The following SLC35E1 variants were observed in gnomAD, a reference collection of about 807,000 sequenced individuals.
The protein encoded by SLC35E1 is solute carrier family 35, member E1.
SLC35E1 carries 12 observed loss-of-function variants against 31.0 expected under a neutral mutation model. The ratio of observed to expected loss-of-function variants is 0.39; its 90% CI spans 0.25 to 0.63. SLC35E1 has a LOEUF of 0.63. Ranked by LOEUF, SLC35E1 falls within the 20% of genes least tolerant of loss-of-function variation. SLC35E1 has a pLI of 0.52. For synonymous variants in SLC35E1, 257 were observed against 264.1 expected (o/e 0.97, Z 0.26); for missense variants, 429 against 572.2 (o/e 0.75, Z 2.55).
At chr19:16,560,881 C>CAAAAAAAAAAAAAAAAAAAAAAACAA (rs1304202019) in intron 4 of SLC35E1, among the ~76,000 whole-genome samples, 1 of 68,058 alleles carries the variant, frequency 1.5e-5, no homozygotes, top group Non-Finnish European at 2.9e-5. Flanking sequence ...AAAAAAAAAC[C>CAAAAAAAAAAAAAAAAAAAAAAACAA]AAAAAAAAAA....
At chr19:16,569,937 C>T (rs2085949678) in intron 2 of SLC35E1, among the ~76,000 whole-genome samples, 1 of 152,140 alleles carries the variant, frequency 6.6e-6, no homozygotes, top group Non-Finnish European at 1.5e-5. Flanking sequence ...GGGCTGTGGA[C>T]CTGAATTCCA....
chr19:16,558,588 C>T (rs1289922305), intron 4 of SLC35E1, among the ~76,000 whole-genome samples: 3 of 151,824 alleles, frequency 2.0e-5, no homozygotes, highest in African/African-American at 2.4e-5. Context: ...CCACCTGGCT[C>T]GGCCTTCCAA....
Position 16,565,375 on chromosome 19 carries a change from T to A in SLC35E1, c.756+1157A>T, listed in dbSNP as rs2085926521. 1.3e-5 allele frequency: 4 copies of A among 314,578 alleles called. No homozygotes were observed. The Admixed American group carries it at 1.8e-4, about 14-fold the overall frequency. 19.5% of individuals were successfully genotyped at this position (314,578 alleles called of 1,614,324 possible). ...ACAGGCGTGCACCACCACGCCTGGC[T>A]AATTTTGTATTTTTAGTAGAGACAG... On this transcript the variant is annotated intron_variant, in intron 4 of 5. Coordinates refer to ENST00000595753, the MANE Select transcript of SLC35E1 (RefSeq NM_024881.5).
chr19:16,558,131 C>T (rs527693720), intron 4 of SLC35E1, among the ~76,000 whole-genome samples: 2 of 152,152 alleles, frequency 1.3e-5, no homozygotes, highest in South Asian at 4.1e-4. Flanking sequence ...GCAACCTCTG[C>T]CTCCCGGGTT....
rs957808773 is a variant in SLC35E1, at chr19:16,550,153, G to C, written c.*3526C>G. 1 of 152,178 alleles carries C rather than the reference G, an allele frequency of 6.6e-6. No homozygotes were observed. The highest frequency in any genetic ancestry group is 2.4e-5 in the African/African-American group (1 of 41,440). 9.4% of individuals were successfully genotyped at this position (152,178 alleles called of 1,614,324 possible). Reference sequence around the variant, plus strand: ...GCCCCTTTGTGGTAGGGGCTTGACTGTTCCTAGAATGAATGACTTAAAATA... The same window carrying C: ...GCCCCTTTGTGGTAGGGGCTTGACTCTTCCTAGAATGAATGACTTAAAATA... On this transcript the variant is annotated 3_prime_UTR_variant, in exon 6 of 6. Transcript: ENST00000595753.
Position 16,572,063 on chromosome 19 carries a change from G to T in SLC35E1, c.302C>A (p.Pro101Gln), listed in dbSNP as rs1308635655. Residue 101 changes from proline (P) to glutamine (Q), a missense_variant, in exon 1 of 6, where the codon CCG becomes CAG. By Grantham distance (76) the Pro-to-Gln change is moderately conservative. Coordinates refer to ENST00000595753, the MANE Select transcript of SLC35E1 (RefSeq NM_024881.5). This position sits in a 1 kb window ranked among gnomAD's most constrained non-coding sequence, Gnocchi z 4.1. ...PGPSPHPSSGPLLPPRFYPRY... is the reference protein window; with the variant it reads ...PGPSPHPSSGQLLPPRFYPRY... ...CGGGTAGAAGCGCGGCGGCAGCAGC[G>T]GGCCGGACGACGGATGCGGACTGGG... The T allele has an allele frequency of 6.5e-7, 1 of 1,539,210 alleles. No individual in the cohort carries two copies. Among genetic ancestry groups the T allele is most frequent in the Non-Finnish European group, 8.8e-7 (1 of 1,142,588 alleles).
At chr19:16,554,267 G>GAAAAA (rs778901992) in intron 5 of SLC35E1, among the ~76,000 whole-genome samples, 2 of 51,694 alleles carry the variant, frequency 3.9e-5, no homozygotes, top group African/African-American at 1.5e-4. Context: ...CGCTGTCTCA[G>GAAAAA]AAAAAAAAAA....
chr19:16,571,929 G>T lies in SLC35E1; in HGVS notation c.421+15C>A. The T allele has an allele frequency of 6.5e-7, 1 of 1,533,544 alleles. No individual in the cohort carries two copies. Among genetic ancestry groups the T allele is most frequent in the East Asian group, 2.5e-5 (1 of 40,404 alleles). The allele number at this position is 1,533,544 out of a possible 1,614,324, so 95.0% of individuals were successfully genotyped here. A position where few individuals can be genotyped will look rare whatever the true frequency, so the allele number is the denominator to read the frequency against. ...GGGCCCGGCCGCCGCCCCCGAGGCC[G>T]GGCGCGGAACCTACCGGTGTGTGCA... On this transcript the variant is annotated intron_variant, in intron 1 of 5. Coordinates refer to ENST00000595753, the MANE Select transcript of SLC35E1 (RefSeq NM_024881.5).
intron 4 of SLC35E1, among the ~76,000 whole-genome samples, chr19:16,559,727 C>T (rs1050533132): frequency 6.6e-6 from 1 of 152,186 alleles, no homozygotes; most frequent in Non-Finnish European, 1.5e-5. Context: ...AGAGTCTTTA[C>T]TTTGCTCCTT....
At chr19:16,567,058 G>A (rs965508790) in intron 3 of SLC35E1, among the ~76,000 whole-genome samples, 19 of 152,066 alleles carry the variant, frequency 1.2e-4, no homozygotes, top group African/African-American at 4.1e-4. Flanking sequence ...AACTGAGACA[G>A]GAAAACATCA....
intron 4 of SLC35E1, among the ~76,000 whole-genome samples, chr19:16,559,463 T>TACATACACACACACACACAC (rs2085893306): frequency 7.0e-6 from 1 of 142,304 alleles, no homozygotes; most frequent in Non-Finnish European, 1.5e-5. Flanking sequence ...CTACAAAAAA[T>TACATACACACACACACACAC]ACACACACAC....
chr19:16,555,573 G>T lies in SLC35E1; in HGVS notation c.757-176C>A. 1 of 783,288 alleles carries T rather than the reference G, an allele frequency of 1.3e-6. No homozygotes were observed. The highest frequency in any genetic ancestry group is 2.0e-6 in the Non-Finnish European group (1 of 505,732). 48.5% of individuals were successfully genotyped at this position (783,288 alleles called of 1,614,324 possible). The stretch of plus-strand genomic sequence containing the variant: ...GAGACACTAGGTGCTTTAGGTCCAT[G>T]ACCTCAGAACCTCATGACACCACAC... On this transcript the variant is annotated intron_variant, in intron 4 of 5. Coordinates refer to ENST00000595753, the MANE Select transcript of SLC35E1 (RefSeq NM_024881.5). The surrounding 1 kb of genome is among the most constrained non-coding windows in gnomAD (Gnocchi z 4.1).
chr19:16,568,198 C>T, intron 2 of SLC35E1, 29 bp from the exon 3 acceptor site: 1 of 1,593,032 alleles, frequency 6.3e-7, no homozygotes, highest in Middle Eastern at 1.7e-4. Flanking sequence ...AAGAAGGGCT[C>T]ACAGGCCAGA....
At chr19:16,562,242 G>A (rs115640487) in intron 4 of SLC35E1, among the ~76,000 whole-genome samples, 183 of 152,266 alleles carry the variant, frequency 1.2e-3, no homozygotes, top group African/African-American at 4.2e-3. Flanking sequence ...ATACTCTAAT[G>A]AGCTGTAACA....
chr19:16,571,440 C>T, intron 2 of SLC35E1, 72 bp downstream of exon 2: 1 of 1,523,870 alleles, frequency 6.6e-7, no homozygotes, highest in Non-Finnish European at 9.1e-7. Context: ...GGATCCTGAC[C>T]ACGTCACCAG....
chr19:16,558,809 G>A (rs1315053638), intron 4 of SLC35E1, among the ~76,000 whole-genome samples: 4 of 134,118 alleles, frequency 3.0e-5, no homozygotes, highest in Middle Eastern at 4.7e-3. Context: ...TCGCTCTGTC[G>A]CCCAGGCTGG....
Position 16,553,874 on chromosome 19 carries a change from G to C in SLC35E1, c.1038C>G (p.His346Gln). Reference sequence around the variant, plus strand: ...GGTCTGCTGTGGTGACGGGGAGGAGGTGCTTCCTGGCTTGCTGGTTTGCAT... The same window carrying C: ...GGTCTGCTGTGGTGACGGGGAGGAGCTGCTTCCTGGCTTGCTGGTTTGCAT... ...KYDANQQARK[H>Q]LLPVTTADLS... The change falls in exon 6 of 6, where the codon CAC (histidine) becomes CAG (glutamine). Residue 346 changes from histidine (H) to glutamine (Q), a missense_variant. Physicochemically the swap from His to Gln is conservative, Grantham distance 24 (BLOSUM62 0). Coordinates refer to ENST00000595753, the MANE Select transcript of SLC35E1 (RefSeq NM_024881.5). 1 of 1,612,652 alleles carries C rather than the reference G, an allele frequency of 6.2e-7. No homozygotes were observed.
intron 4 of SLC35E1, among the ~76,000 whole-genome samples, chr19:16,556,433 T>C (rs2085875503): frequency 6.6e-6 from 1 of 151,706 alleles, no homozygotes; most frequent in African/African-American, 2.4e-5. Flanking sequence ...CGCTTGAGCC[T>C]AGGAGTTCAA....
intron 4 of SLC35E1, among the ~76,000 whole-genome samples, chr19:16,560,274 T>C (rs1599318145): frequency 6.6e-6 from 1 of 152,164 alleles, no homozygotes; most frequent in African/African-American, 2.4e-5. Flanking sequence ...TCTAGTTTCC[T>C]AGTCCCTCCC....
Sources: gnomAD v4.1 joint callset for allele counts (sites outside exome capture counted in the v4.1 genomes callset) on GRCh38, gnomAD v4.1.1 for gene constraint, Gnocchi (gnomAD v3.1) non-coding constraint, MANE v1.5 for transcripts, NCBI Gene and HGNC (gene_info 2026-07-23, HGNC 2026-07-21) for gene names.